The following CA10 variants were observed in gnomAD, a reference collection of about 807,000 sequenced individuals.
CA10 encodes carbonic anhydrase-related protein 10.
CA10 carries 14 observed loss-of-function variants against 44.2 expected under a neutral mutation model. That is an observed-to-expected ratio of 0.32 (90% CI 0.21 to 0.50). The LOEUF (loss-of-function observed/expected upper bound fraction) is 0.50. Among genes scored for constraint, CA10 ranks in the 20% least tolerant of loss-of-function variants. The probability of loss-of-function intolerance (pLI) is 0.99; values close to 1 mark genes in which losing one functional copy is unlikely to be tolerated. For missense variants in CA10, 350 were observed against 409.7 expected, an observed-to-expected ratio of 0.85 and a Z score of 1.26; for synonymous variants, 159 against 141.6, an observed-to-expected ratio of 1.12 and a Z score of -0.87.
At position 51,921,518 on chromosome 17, in the gene CA10, T is replaced by C. The variant is rs142826617; in HGVS notation, c.279+9472A>G. 5.6e-3 allele frequency among the ~76,000 whole-genome samples: 846 copies of C among 152,272 alleles called. 7 individuals carry two copies. Among genetic ancestry groups the C allele is most frequent in the African/African-American group, 0.019 (799 of 41,570 alleles). On this transcript the variant is annotated intron_variant, in intron 3 of 8. Transcript: ENST00000451037. ...GACAGAGAAAACTGAATATAAAACA[T>C]TTTGATTTTTCATTACTTTCTTCCT...
At chr17:52,030,324 A>T (rs1048807542) in intron 2 of CA10, among the ~76,000 whole-genome samples, 1 of 152,170 alleles carries the variant, frequency 6.6e-6, no homozygotes. Context: ...ATGAGTTGCA[A>T]AACAGTGGGA....
chr17:51,672,061 T>C (rs1914448855), intron 4 of CA10, among the ~76,000 whole-genome samples: 1 of 152,192 alleles, frequency 6.6e-6, no homozygotes, highest in South Asian at 2.1e-4. Flanking sequence ...GAGATAATAC[T>C]GTTTATTTCC....
At chr17:51,825,212 G>A (rs532073037) in intron 3 of CA10, among the ~76,000 whole-genome samples, 1 of 152,310 alleles carries the variant, frequency 6.6e-6, no homozygotes, top group East Asian at 1.9e-4. Context: ...AAGAAAAGAA[G>A]AGGATTAAAG....
chr17:52,005,711 G>T (rs1157183272), intron 2 of CA10, among the ~76,000 whole-genome samples: 1 of 151,902 alleles, frequency 6.6e-6, no homozygotes, highest in Non-Finnish European at 1.5e-5. Context: ...TTTTCAAAAA[G>T]ATCCTTTTAC....
intron 3 of CA10, among the ~76,000 whole-genome samples, chr17:51,774,624 A>G (rs1450293810): frequency 6.6e-6 from 1 of 151,696 alleles, no homozygotes; most frequent in East Asian, 1.9e-4. Flanking sequence ...TTGTATTTTT[A>G]GTAGAGACGG....
At chr17:51,925,430 A>C (rs182765742) in intron 3 of CA10, among the ~76,000 whole-genome samples, 35 of 152,156 alleles carry the variant, frequency 2.3e-4, no homozygotes, top group African/African-American at 5.1e-4. Flanking sequence ...TAAATAACAA[A>C]AAAAAAAAAA....
intron 3 of CA10, among the ~76,000 whole-genome samples, chr17:51,884,230 A>C (rs1980498297): frequency 6.6e-6 from 1 of 152,192 alleles, no homozygotes; most frequent in Non-Finnish European, 1.5e-5. Flanking sequence ...AGTCTTTGAG[A>C]ACCTTCAGTA....
intron 1 of CA10, among the ~76,000 whole-genome samples, chr17:52,113,577 G>T (rs1988830923): frequency 2.0e-5 from 3 of 152,144 alleles, no homozygotes; most frequent in Non-Finnish European, 1.5e-5. Context: ...CAAGACAACA[G>T]TGGAAAAGAT....
At chr17:51,637,145 C>T (rs1912869263) in intron 6 of CA10, among the ~76,000 whole-genome samples, 1 of 152,008 alleles carries the variant, frequency 6.6e-6, no homozygotes, top group Admixed American at 6.6e-5. Context: ...TTTCTTTTAG[C>T]ACGTGATTGT....
intron 2 of CA10, among the ~76,000 whole-genome samples, chr17:51,945,640 A>G (rs532105965): frequency 6.6e-6 from 1 of 152,222 alleles, no homozygotes. Context: ...GACTGTCATC[A>G]AAGTATCAGA....
chr17:51,692,423 C>CTATT (rs1213919729), intron 4 of CA10, among the ~76,000 whole-genome samples: 1 of 89,192 alleles, frequency 1.1e-5, no homozygotes, highest in Non-Finnish European at 2.9e-5. Context: ...ATCTATCTAT[C>CTATT]TATTTTACCA....
Position 51,843,677 on chromosome 17 carries a change from C to T in CA10, c.279+87313G>A, listed in dbSNP as rs113341659. ...AACCTTTCCCTACAGCAATATACTT[C>T]CCTTCAAAGTAATTCTAATATTATT... On this transcript the variant is annotated intron_variant, in intron 3 of 8. Transcript: ENST00000451037. Among the ~76,000 whole-genome samples the T allele has an allele frequency of 1.0e-2, 1,515 of 152,232 alleles. 28 individuals carry two copies. The highest frequency in any genetic ancestry group is 0.035 in the African/African-American group (1,460 of 41,516).
chr17:52,002,103 T>A (rs901731006), intron 2 of CA10, among the ~76,000 whole-genome samples: 1 of 151,866 alleles, frequency 6.6e-6, no homozygotes, highest in African/African-American at 2.4e-5. Flanking sequence ...AGCAAACAAG[T>A]GCTTCCAAGA....
chr17:52,022,175 T>A (rs1986162702), intron 2 of CA10, among the ~76,000 whole-genome samples: 1 of 151,942 alleles, frequency 6.6e-6, no homozygotes, highest in Non-Finnish European at 1.5e-5. Flanking sequence ...CAAACTACTA[T>A]CCCTGAAGAA....
At chr17:52,044,245 T>A (rs548113277) in intron 2 of CA10, among the ~76,000 whole-genome samples, 1 of 152,266 alleles carries the variant, frequency 6.6e-6, no homozygotes, top group East Asian at 1.9e-4. Flanking sequence ...ACTATTGGTC[T>A]GTTCAGATTT....
intron 2 of CA10, among the ~76,000 whole-genome samples, chr17:52,051,178 G>A (rs1987059884): frequency 6.6e-6 from 1 of 151,540 alleles, no homozygotes; most frequent in African/African-American, 2.4e-5. Context: ...AAGAAACAAA[G>A]GAACAAAGGC....
At chr17:52,072,444 T>G in intron 1 of CA10, 51 bp from the exon 2 acceptor site, 1 of 1,319,902 alleles carries the variant, frequency 7.6e-7, no homozygotes, top group Non-Finnish European at 1.1e-6. Context: ...AGAAGCACTG[T>G]GTCCCGGCTG....
chr17:52,143,225 C>T (rs1347603620), intron 1 of CA10, among the ~76,000 whole-genome samples: 1 of 152,072 alleles, frequency 6.6e-6, no homozygotes, highest in African/African-American at 2.4e-5. Context: ...ATTATTTTCA[C>T]ATTATTTGGG....
chr17:51,986,770 T>C (rs1984852696), intron 2 of CA10, among the ~76,000 whole-genome samples: 1 of 151,994 alleles, frequency 6.6e-6, no homozygotes, highest in Non-Finnish European at 1.5e-5. Flanking sequence ...TTAACATGAC[T>C]AATGATCAGG....
Sources: gnomAD v4.1 joint callset for allele counts (sites outside exome capture counted in the v4.1 genomes callset) on GRCh38, gnomAD v4.1.1 for gene constraint, MANE v1.5 for transcripts, NCBI Gene and HGNC (gene_info 2026-07-23, HGNC 2026-07-21) for gene names.